The following TENM2 variants were observed in gnomAD, a reference collection of about 807,000 sequenced individuals.
TENM2 encodes the protein teneurin-2.
In TENM2, 52 loss-of-function variants were observed where a neutral mutation model predicts 245.2. The ratio of observed to expected loss-of-function variants is 0.21; its 90% CI spans 0.17 to 0.27. The LOEUF is 0.27. Among genes scored for constraint, TENM2 ranks in the 10% least tolerant of loss-of-function variants. TENM2 has a pLI of 1.00. For synonymous variants in TENM2, 1,363 were observed against 1,438.9 expected, an observed-to-expected ratio of 0.95 and a Z score of 1.19; for missense variants, 3,046 against 3,666.8, an observed-to-expected ratio of 0.83 and a Z score of 4.37.
intron 5 of TENM2, among the ~76,000 whole-genome samples, chr5:168,043,400 G>T (rs1788361650): frequency 6.6e-6 from 1 of 152,114 alleles, no homozygotes; most frequent in Admixed American, 6.6e-5. Flanking sequence ...AGCTTTCTAA[G>T]TCTGGTTCTG....
chr5:167,927,832 G>A (rs1016785958), intron 3 of TENM2, among the ~76,000 whole-genome samples: 1 of 152,094 alleles, frequency 6.6e-6, no homozygotes, highest in Non-Finnish European at 1.5e-5. Flanking sequence ...TCCATTTCTG[G>A]CCCGGGTCCT....
chr5:168,015,282 A>G (rs1045334852), intron 5 of TENM2, among the ~76,000 whole-genome samples: 1 of 152,182 alleles, frequency 6.6e-6, no homozygotes, highest in African/African-American at 2.4e-5. Flanking sequence ...GAGGCACCTC[A>G]TGACTCTGTG....
At chr5:167,484,082 C>A (rs756430986) in intron 2 of TENM2, among the ~76,000 whole-genome samples, 1 of 152,136 alleles carries the variant, frequency 6.6e-6, no homozygotes, top group East Asian at 1.9e-4. Flanking sequence ...CGTGGTGGCT[C>A]ACGCCTGTAA....
At chr5:167,045,428 T>C in the TENM2 span, among the ~76,000 whole-genome samples, 1 of 152,206 alleles carries the variant, frequency 6.6e-6, no homozygotes, top group South Asian at 2.1e-4. Flanking sequence ...AAGGGCTGGC[T>C]GAAGGGCCCT....
intron 2 of TENM2, among the ~76,000 whole-genome samples, chr5:167,747,034 G>A (rs1032239502): frequency 6.6e-6 from 1 of 152,156 alleles, no homozygotes; most frequent in Non-Finnish European, 1.5e-5. Flanking sequence ...AAAGAGATTA[G>A]TTATTAAAAT....
chr5:167,829,781 T>C (rs1768304619), intron 2 of TENM2, among the ~76,000 whole-genome samples: 1 of 152,180 alleles, frequency 6.6e-6, no homozygotes, highest in Non-Finnish European at 1.5e-5. Context: ...TACTAGAACC[T>C]CTGACAAAGG....
intron 13 of TENM2, among the ~76,000 whole-genome samples, chr5:168,181,811 G>A (rs1263395428): frequency 6.6e-6 from 1 of 151,502 alleles, no homozygotes; most frequent in Non-Finnish European, 1.5e-5. Context: ...CAAATAGCTG[G>A]GACTACAGGT....
At chr5:168,187,041 G>C (rs957418309) in intron 13 of TENM2, 3 of 152,222 alleles carry the variant, frequency 2.0e-5, no homozygotes, top group African/African-American at 7.2e-5. Context: ...TAGGCATAAC[G>C]TAGGCTCCTA....
At chr5:168,194,225 T>G (rs1037222099) in intron 14 of TENM2, among the ~76,000 whole-genome samples, 4 of 152,200 alleles carry the variant, frequency 2.6e-5, no homozygotes, top group African/African-American at 9.6e-5. Context: ...TGCTGGGGGC[T>G]TGGTGCAGAA....
At chr5:167,960,823 G>A (rs540546719) in intron 4 of TENM2, among the ~76,000 whole-genome samples, 15 of 152,324 alleles carry the variant, frequency 9.8e-5, no homozygotes, top group South Asian at 2.1e-4. Context: ...CAGGGCCCTG[G>A]TGGTGTAGGC....
intron 2 of TENM2, among the ~76,000 whole-genome samples, chr5:167,399,658 G>A (rs879794342): frequency 2.6e-5 from 4 of 152,154 alleles, no homozygotes; most frequent in Non-Finnish European, 4.4e-5. Flanking sequence ...ATGTGGAAAC[G>A]ACTTCATCTC....
At chr5:167,033,064 A>G in the TENM2 span, among the ~76,000 whole-genome samples, 2 of 152,204 alleles carry the variant, frequency 1.3e-5, no homozygotes, top group African/African-American at 4.8e-5. Flanking sequence ...GACAGAAGTT[A>G]AAAAGCAGAA....
intron 5 of TENM2, among the ~76,000 whole-genome samples, chr5:167,998,924 G>T (rs1331448009): frequency 6.6e-6 from 1 of 152,202 alleles, no homozygotes; most frequent in Non-Finnish European, 1.5e-5. Context: ...AGCCTACCAT[G>T]TGTTTAAAGT....
At chr5:167,667,873 G>A (rs760026970) in intron 2 of TENM2, among the ~76,000 whole-genome samples, 1 of 152,180 alleles carries the variant, frequency 6.6e-6, no homozygotes, top group Non-Finnish European at 1.5e-5. Flanking sequence ...ACATATCTCA[G>A]TTTCTCTGTC....
intron 2 of TENM2, among the ~76,000 whole-genome samples, chr5:167,583,469 T>A (rs2127687637): frequency 1.5e-5 from 1 of 67,574 alleles, no homozygotes; most frequent in Admixed American, 1.7e-4. Flanking sequence ...ATTATGAGTA[T>A]ATGTACACAC....
chr5:168,038,008 C>T (rs1425831458), intron 5 of TENM2, among the ~76,000 whole-genome samples: 1 of 152,144 alleles, frequency 6.6e-6, no homozygotes, highest in Non-Finnish European at 1.5e-5. Context: ...GTGAATAGAA[C>T]CCCATTCTTC....
intron 2 of TENM2, among the ~76,000 whole-genome samples, chr5:167,730,182 A>G (rs1218078126): frequency 6.6e-6 from 1 of 152,178 alleles, no homozygotes; most frequent in East Asian, 1.9e-4. Context: ...ATTGGAGCAT[A>G]CTACAGAAAC....
chr5:167,158,190 C>T, the TENM2 span, among the ~76,000 whole-genome samples: 2 of 152,094 alleles, frequency 1.3e-5, no homozygotes, highest in African/African-American at 4.8e-5. Flanking sequence ...ACTGAAAACA[C>T]AGATATAGAA....
chr5:167,101,634 A>T, the TENM2 span, among the ~76,000 whole-genome samples: 15 of 151,408 alleles, frequency 9.9e-5, no homozygotes, highest in East Asian at 3.0e-3. Context: ...AGGTCAGAAC[A>T]AGTCCAGCAG....
Sources: allele counts gnomAD v4.1 joint callset (sites outside exome capture counted in the v4.1 genomes callset), GRCh38; gene constraint gnomAD v4.1.1; transcripts MANE v1.5; gene names NCBI Gene and HGNC (gene_info 2026-07-23, HGNC 2026-07-21).